Variants in AGBL4 observed in about 807,000 individuals in gnomAD.
The protein encoded by AGBL4 is cytosolic carboxypeptidase 6.
AGBL4 carries 58 observed loss-of-function variants against 66.4 expected under a neutral mutation model. The ratio of observed to expected loss-of-function variants is 0.87; its 90% CI spans 0.71 to 1.09. AGBL4 has a LOEUF of 1.09. Among genes scored for constraint, AGBL4 ranks in the 50% least tolerant of loss-of-function variants. The probability of loss-of-function intolerance (pLI) is 0.00; values close to 1 mark genes in which losing one functional copy is unlikely to be tolerated. For synonymous variants in AGBL4, 234 were observed against 222.9 expected, an observed-to-expected ratio of 1.05 and a Z score of -0.44; for missense variants, 579 against 631.0, an observed-to-expected ratio of 0.92 and a Z score of 0.88.
chr1:49,804,910 A>G (rs1001624749), intron 2 of AGBL4, among the ~76,000 whole-genome samples: 5 of 152,188 alleles, frequency 3.3e-5, no homozygotes, highest in South Asian at 2.1e-4. Flanking sequence ...CAACATTTTC[A>G]TTATTTCTTC....
At chr1:48,956,926 A>T (rs1048407302) in intron 5 of AGBL4, among the ~76,000 whole-genome samples, 1 of 152,222 alleles carries the variant, frequency 6.6e-6, no homozygotes, top group Admixed American at 6.5e-5. Flanking sequence ...CTAAATTTGT[A>T]AATATTTAAT....
At chr1:49,291,277 T>C (rs1365419267) in intron 3 of AGBL4, among the ~76,000 whole-genome samples, 3 of 152,226 alleles carry the variant, frequency 2.0e-5, no homozygotes, top group Non-Finnish European at 4.4e-5. Context: ...TTATATAAAG[T>C]GTTTCTGAGA....
chr1:49,054,694 T>C lies in AGBL4; in HGVS notation c.378-8894A>G, dbSNP rs535620694. Among the ~76,000 whole-genome samples, 5 of 152,110 alleles carry C rather than the reference T, an allele frequency of 3.3e-5. No individual in the cohort carries two copies. The South Asian group carries it at 1.0e-3, about 32-fold the overall frequency. ...TTTATGTGAAGCTAACATTAAACTA[T>C]ATGTGAAAAAAATGTTTTCATAAAG... On this transcript the variant is annotated intron_variant, in intron 4 of 13. Transcript: ENST00000371839.
intron 1 of AGBL4, among the ~76,000 whole-genome samples, chr1:50,009,444 AT>A (rs1661367271): frequency 6.6e-6 from 1 of 152,126 alleles, no homozygotes; most frequent in Non-Finnish European, 1.5e-5. Flanking sequence ...GCCAAAAAGA[AT>A]TTGATAAAAT....
chr1:49,736,437 T>C (rs1649895553), intron 2 of AGBL4, among the ~76,000 whole-genome samples: 1 of 151,970 alleles, frequency 6.6e-6, no homozygotes, highest in African/African-American at 2.4e-5. Context: ...ACAAAAGAAA[T>C]TTCAGAAAAT....
At chr1:49,704,742 T>A (rs1241940224) in intron 2 of AGBL4, among the ~76,000 whole-genome samples, 2 of 152,100 alleles carry the variant, frequency 1.3e-5, no homozygotes, top group Admixed American at 1.3e-4. Context: ...TGGTTGTAGA[T>A]GTGTGGTGTT....
At chr1:48,566,571 A>G (rs1644479543) in intron 11 of AGBL4, among the ~76,000 whole-genome samples, 1 of 152,236 alleles carries the variant, frequency 6.6e-6, no homozygotes, top group Non-Finnish European at 1.5e-5. Context: ...ATGATGCTCA[A>G]ATAAGTTGTC....
chr1:49,260,962 G>A (rs1410284815), intron 3 of AGBL4, among the ~76,000 whole-genome samples: 1 of 149,492 alleles, frequency 6.7e-6, no homozygotes, highest in African/African-American at 2.5e-5. Flanking sequence ...TATCCACCAT[G>A]ATCAAGTGGG....
chr1:49,743,471 C>G (rs1350573136), intron 2 of AGBL4, among the ~76,000 whole-genome samples: 1 of 152,158 alleles, frequency 6.6e-6, no homozygotes, highest in Non-Finnish European at 1.5e-5. Context: ...TAAACTAGTT[C>G]AACCATTGTG....
At chr1:48,878,355 C>G (rs1649423017) in intron 5 of AGBL4, among the ~76,000 whole-genome samples, 1 of 152,162 alleles carries the variant, frequency 6.6e-6, no homozygotes, top group Non-Finnish European at 1.5e-5. Context: ...CCCAGCTTTG[C>G]CACTAACTTG....
rs563348066 is a variant in AGBL4 at position 49,478,263 on chromosome 1, T to C, written c.282+219050A>G. On this transcript the variant is annotated intron_variant, in intron 3 of 13. Coordinates refer to ENST00000371839, the MANE Select transcript of AGBL4 (RefSeq NM_032785.4). ...ACCAATAGAAGACTAACTCAAGACA[T>C]TTAATAGCCAAACTCCCAAAGGTCA... Among the ~76,000 whole-genome samples, 10 of 151,630 alleles carry C rather than the reference T, an allele frequency of 6.6e-5. No homozygotes were observed. In the East Asian group the frequency reaches 1.8e-3, roughly 27 times the overall value.
At chr1:49,080,623 TAGAG>T (rs149187501) in intron 4 of AGBL4, among the ~76,000 whole-genome samples, 6,619 of 152,202 alleles carry the variant, frequency 0.043, 174 homozygotes, top group East Asian at 0.074. Flanking sequence ...TGAAAAAAGT[TAGAG>T]AGAGGAATAG....
intron 2 of AGBL4, among the ~76,000 whole-genome samples, chr1:49,740,426 C>T (rs979261653): frequency 6.6e-5 from 10 of 152,112 alleles, no homozygotes; most frequent in African/African-American, 1.9e-4. Context: ...TACAAAGAGA[C>T]GTAGACTCCC....
intron 2 of AGBL4, among the ~76,000 whole-genome samples, chr1:49,710,666 G>A (rs1020934026): frequency 6.6e-6 from 1 of 151,462 alleles, no homozygotes; most frequent in Non-Finnish European, 1.5e-5. Flanking sequence ...CCTTTGAGTA[G>A]GCAAAGATTT....
At chr1:49,857,406 C>T (rs531283900) in intron 1 of AGBL4, among the ~76,000 whole-genome samples, 1 of 151,994 alleles carries the variant, frequency 6.6e-6, no homozygotes, top group Non-Finnish European at 1.5e-5. Flanking sequence ...ACAAATACCC[C>T]AAATAGCCAA....
chr1:49,513,885 G>A (rs955481308), intron 3 of AGBL4, among the ~76,000 whole-genome samples: 1 of 152,010 alleles, frequency 6.6e-6, no homozygotes, highest in African/African-American at 2.4e-5. Context: ...GGCATAAGCA[G>A]GGTTGCTATA....
At chr1:49,503,562 G>A (rs1281495405) in intron 3 of AGBL4, among the ~76,000 whole-genome samples, 1 of 152,160 alleles carries the variant, frequency 6.6e-6, no homozygotes, top group Non-Finnish European at 1.5e-5. Context: ...CAGCCAGGAT[G>A]GATGCTGTAC....
At chr1:49,200,024 TAGA>T (rs1273221205) in intron 4 of AGBL4, among the ~76,000 whole-genome samples, 1 of 152,146 alleles carries the variant, frequency 6.6e-6, no homozygotes, top group Non-Finnish European at 1.5e-5. Flanking sequence ...GCAGCCTCCT[TAGA>T]AGACTTCCAT....
intron 2 of AGBL4, among the ~76,000 whole-genome samples, chr1:49,816,283 T>A (rs1645228712): frequency 6.6e-6 from 1 of 152,082 alleles, no homozygotes. Flanking sequence ...CAGAACTGGA[T>A]CAGAAGAGAG....
Sources: gnomAD v4.1 joint callset for allele counts (sites outside exome capture counted in the v4.1 genomes callset) on GRCh38, gnomAD v4.1.1 for gene constraint, MANE v1.5 for transcripts, NCBI Gene and HGNC (gene_info 2026-07-23, HGNC 2026-07-21) for gene names.